FSTL4: variants seen among roughly 807,000 people sequenced by gnomAD.
FSTL4 encodes the protein follistatin-related protein 4.
In FSTL4, 28 loss-of-function variants were observed where a neutral mutation model predicts 78.2. That is an observed-to-expected ratio of 0.36 (90% CI 0.27 to 0.49). The LOEUF is 0.49. FSTL4 is among the 20% of genes least tolerant of loss of function. FSTL4 has a pLI of 0.98. For missense variants in FSTL4, 922 were observed against 1,084.9 expected (o/e 0.85, Z 2.11); for synonymous variants, 422 against 440.5 (o/e 0.96, Z 0.53).
intron 4 of FSTL4, among the ~76,000 whole-genome samples, chr5:133,323,014 G>C (rs1027243381): frequency 6.6e-6 from 1 of 152,204 alleles, no homozygotes; most frequent in East Asian, 1.9e-4. Flanking sequence ...GAGGACCAGA[G>C]TCCTGTGGCT....
At chr5:133,525,975 C>G (rs1053657455) in intron 3 of FSTL4, among the ~76,000 whole-genome samples, 1 of 152,156 alleles carries the variant, frequency 6.6e-6, no homozygotes, top group African/African-American at 2.4e-5. Flanking sequence ...GTGCTGGGTG[C>G]TAGGGTCATG....
chr5:133,427,703 G>A (rs1449414731), intron 3 of FSTL4: 3 of 514,528 alleles, frequency 5.8e-6, no homozygotes, highest in South Asian at 2.8e-5. Context: ...AACTAGGACC[G>A]TGGCTGAGTT....
At chr5:133,371,873 A>G (rs1040543616) in intron 4 of FSTL4, among the ~76,000 whole-genome samples, 1 of 152,344 alleles carries the variant, frequency 6.6e-6, no homozygotes, top group African/African-American at 2.4e-5. Context: ...CTCTTCCCCA[A>G]CAGCCTCGGC....
the FSTL4 span, among the ~76,000 whole-genome samples, chr5:133,838,154 C>T: frequency 1.3e-5 from 2 of 152,190 alleles, no homozygotes; most frequent in African/African-American, 4.8e-5. Flanking sequence ...TCCCAAAGTG[C>T]CTGGATTACA....
chr5:133,615,958 T>C (rs1372449308), upstream of FSTL4, among the ~76,000 whole-genome samples: 2 of 152,094 alleles, frequency 1.3e-5, no homozygotes, highest in Non-Finnish European at 2.9e-5. Flanking sequence ...GAGATGAACA[T>C]AAAACCCTCA....
At chr5:133,251,378 G>A (rs375738764) in intron 6 of FSTL4, among the ~76,000 whole-genome samples, 1 of 152,152 alleles carries the variant, frequency 6.6e-6, no homozygotes, top group South Asian at 2.1e-4. Context: ...TGGGGCAACC[G>A]CATGTGTCTG....
At chr5:133,700,330 C>A in the FSTL4 span, among the ~76,000 whole-genome samples, 1 of 150,790 alleles carries the variant, frequency 6.6e-6, no homozygotes, top group East Asian at 1.9e-4. Context: ...AACATCACAC[C>A]AGACCACCAC....
chr5:133,395,179 C>T (rs531314595), intron 4 of FSTL4, among the ~76,000 whole-genome samples: 6 of 152,172 alleles, frequency 3.9e-5, no homozygotes, highest in African/African-American at 1.2e-4. Context: ...CAACCTGGGT[C>T]CCCTTCCACC....
chr5:133,653,423 C>T, the FSTL4 span, among the ~76,000 whole-genome samples: 4 of 152,312 alleles, frequency 2.6e-5, no homozygotes, highest in Admixed American at 1.3e-4. Context: ...CACAAAGAGG[C>T]GCCCCGTGTG....
chr5:133,681,583 C>T, the FSTL4 span, among the ~76,000 whole-genome samples: 1 of 152,058 alleles, frequency 6.6e-6, no homozygotes, highest in African/African-American at 2.4e-5. Flanking sequence ...AAAAAAAAAA[C>T]TTGACAATTG....
intron 13 of FSTL4, among the ~76,000 whole-genome samples, chr5:133,216,514 A>T (rs1039941460): frequency 2.0e-5 from 3 of 152,018 alleles, no homozygotes; most frequent in African/African-American, 7.3e-5. Flanking sequence ...ACGCCTGGCT[A>T]ATTTTTTTGT....
At chr5:133,474,134 T>C (rs545756170) in intron 3 of FSTL4, among the ~76,000 whole-genome samples, 2 of 152,264 alleles carry the variant, frequency 1.3e-5, no homozygotes, top group Admixed American at 1.3e-4. Flanking sequence ...AGGCTCATCT[T>C]CAGGGGGAGC....
chr5:133,536,888 A>G (rs935596347), intron 3 of FSTL4, among the ~76,000 whole-genome samples: 2 of 152,222 alleles, frequency 1.3e-5, no homozygotes, highest in African/African-American at 4.8e-5. Context: ...AGATCTTAAA[A>G]TTGTTTATAA....
At chr5:133,455,495 G>A (rs1254497360) in intron 3 of FSTL4, among the ~76,000 whole-genome samples, 1 of 151,952 alleles carries the variant, frequency 6.6e-6, no homozygotes, top group Non-Finnish European at 1.5e-5. Context: ...ATATATATAT[G>A]TGTACCTCAT....
At chr5:133,553,231 C>G (rs1759724414) in intron 3 of FSTL4, among the ~76,000 whole-genome samples, 1 of 152,210 alleles carries the variant, frequency 6.6e-6, no homozygotes, top group Non-Finnish European at 1.5e-5. Flanking sequence ...CCCCTCTTTT[C>G]CGAGGCATGG....
At chr5:133,475,924 A>G (rs945916670) in intron 3 of FSTL4, among the ~76,000 whole-genome samples, 3 of 152,112 alleles carry the variant, frequency 2.0e-5, no homozygotes, top group African/African-American at 7.2e-5. Flanking sequence ...ACTGGCTTTT[A>G]ATGTCCACCC....
chr5:133,578,941 G>A (rs1279650757), intron 2 of FSTL4, among the ~76,000 whole-genome samples: 1 of 152,142 alleles, frequency 6.6e-6, no homozygotes, highest in East Asian at 1.9e-4. Flanking sequence ...TTTTGATTTG[G>A]AAAGTAATCC....
intron 6 of FSTL4, among the ~76,000 whole-genome samples, chr5:133,257,555 C>T (rs562222839): frequency 1.3e-5 from 2 of 152,316 alleles, no homozygotes; most frequent in South Asian, 2.1e-4. Context: ...CTGCTGTGTG[C>T]AGACGAACAG....
At chr5:133,392,972 C>G (rs1440663243) in intron 4 of FSTL4, among the ~76,000 whole-genome samples, 4 of 152,208 alleles carry the variant, frequency 2.6e-5, no homozygotes, top group Non-Finnish European at 5.9e-5. Flanking sequence ...TGATAATATT[C>G]TTGCACATTT....
Sources: allele counts gnomAD v4.1 joint callset (sites outside exome capture counted in the v4.1 genomes callset), GRCh38; gene constraint gnomAD v4.1.1; transcripts MANE v1.5; gene names NCBI Gene and HGNC (gene_info 2026-07-23, HGNC 2026-07-21).